Variants in CD58 observed in about 807,000 individuals in gnomAD.
CD58 encodes the protein lymphocyte function-associated antigen 3.
A neutral mutation model predicts 27.6 loss-of-function variants in CD58; 14 were observed. That is an observed-to-expected ratio of 0.51 (90% confidence interval 0.34 to 0.79). The LOEUF is 0.79. CD58 is among the 30% of genes least tolerant of loss of function. The pLI, the probability that CD58 is intolerant of heterozygous loss-of-function variation, is 0.02. For missense variants in CD58, 268 were observed against 301.7 expected, an observed-to-expected ratio of 0.89 and a Z score of 0.83; for synonymous variants, 117 against 103.8, an observed-to-expected ratio of 1.13 and a Z score of -0.77.
At chr1:116,518,688 C>T in intron 5 of CD58, 1 of 986,978 alleles carries the variant, frequency 1.0e-6, no homozygotes, top group Non-Finnish European at 1.2e-6. Flanking sequence ...GAGGGGGCCT[C>T]TTGGAGCACC....
At chr1:116,561,720 A>C (rs925319101) in intron 1 of CD58, among the ~76,000 whole-genome samples, 1 of 152,258 alleles carries the variant, frequency 6.6e-6, no homozygotes, top group Non-Finnish European at 1.5e-5. Context: ...GAGCATATAA[A>C]GGAATAGGTT....
At chr1:116,548,205 C>T (rs993962332) in intron 1 of CD58, among the ~76,000 whole-genome samples, 1 of 152,128 alleles carries the variant, frequency 6.6e-6, no homozygotes, top group South Asian at 2.1e-4. Context: ...GATATTGGTC[C>T]TTTGTCAGAT....
chr1:116,542,788 T>A (rs1425273102), intron 2 of CD58, among the ~76,000 whole-genome samples: 1 of 152,162 alleles, frequency 6.6e-6, no homozygotes, highest in African/African-American at 2.4e-5. Context: ...TCCATTCATA[T>A]CAGGAGAGAA....
intron 1 of CD58, among the ~76,000 whole-genome samples, chr1:116,548,430 G>T (rs1288465231): frequency 6.6e-6 from 1 of 152,122 alleles, no homozygotes; most frequent in Non-Finnish European, 1.5e-5. Context: ...TATGGCTTCA[G>T]GTCTTAGATT....
chr1:116,537,367 C>G (rs1170224848), intron 2 of CD58, among the ~76,000 whole-genome samples: 2 of 152,142 alleles, frequency 1.3e-5, no homozygotes, highest in Non-Finnish European at 2.9e-5. Flanking sequence ...TTTGTATTAC[C>G]TTTCCAAAAT....
chr1:116,534,205 G>A lies in CD58; in HGVS notation c.628+1760C>T. 1 of 549,116 alleles carries A rather than the reference G, an allele frequency of 1.8e-6. No individual in the cohort carries two copies. Among genetic ancestry groups the A allele is most frequent in the Non-Finnish European group, 3.3e-6 (1 of 304,780 alleles). The allele number at this position is 549,116 out of a possible 1,614,324, so 34.0% of individuals were successfully genotyped here. The stretch of plus-strand genomic sequence containing the variant: ...CCGCCCATCTGGCTCGCACCGCACA[G>A]CTCCCAACAGCTGAGATGCAATGCC... On this transcript the variant is annotated intron_variant, in intron 3 of 5. Coordinates refer to ENST00000369489, the MANE Select transcript of CD58 (RefSeq NM_001779.3). This position sits in a 1 kb window ranked among gnomAD's most constrained non-coding sequence, Gnocchi z 5.3.
At position 116,514,816 on chromosome 1, in the gene CD58, A is replaced by G. The variant is rs759238002; in HGVS notation, c.750T>C (p.Asn250=). The stretch of plus-strand genomic sequence containing the variant: ...TGTCTTCATCTTCTGTTACCAATCA[A>G]TTGGAGCTACAAAAAAAAATCATAT... ...CDRKPDRTNS[N] The change falls in exon 6 of 6, where the codon AAT becomes AAC. Residue 250 remains asparagine (N), a synonymous_variant. Transcript: ENST00000369489. 1.7e-5 allele frequency: 27 copies of G among 1,553,272 alleles called. No homozygotes were observed. The highest frequency in any genetic ancestry group is 2.0e-5 in the Non-Finnish European group (23 of 1,129,610).
In CD58 at chr1:116,559,335, A is replaced by G. The variant is rs1018506861; in HGVS notation, c.70+11568T>C. Among the ~76,000 whole-genome samples the G allele has an allele frequency of 6.6e-6, 1 of 152,178 alleles. No individual in the cohort carries two copies. Among genetic ancestry groups the G allele is most frequent in the Non-Finnish European group, 1.5e-5 (1 of 68,014 alleles). On this transcript the variant is annotated intron_variant, in intron 1 of 5. Transcript: ENST00000369489. This position sits in a 1 kb window ranked among gnomAD's most constrained non-coding sequence, Gnocchi z 4.4. The stretch of plus-strand genomic sequence containing the variant: ...GTCAAAGATTCCGAAGCACCAGGCT[A>G]CAGATGAAGAAATGGACTGAGAGGG...
intron 1 of CD58, among the ~76,000 whole-genome samples, chr1:116,569,368 G>A (rs973007643): frequency 3.9e-5 from 6 of 152,096 alleles, no homozygotes; most frequent in Admixed American, 1.3e-4. Context: ...CTTCCCAGGC[G>A]CATGGTCCTG....
rs764273333 is a variant in CD58, at chr1:116,536,091, G to A, written c.502C>T (p.Arg168Cys). 28 of 1,613,576 alleles carry A rather than the reference G, an allele frequency of 1.7e-5. No individual in the cohort carries two copies. The highest frequency in any genetic ancestry group is 3.3e-5 in the South Asian group (3 of 91,080). ...TTAAAATATATACTGGTTGAGTTAC[G>A]TTTACATTGCTCCATAGGACAATCC... is the stretch of plus-strand genomic sequence containing the variant. ...SWDCPMEQCK[R>C]NSTSIYFKME... The change falls in exon 3 of 6, where the codon CGT becomes TGT. Residue 168 changes from arginine to cysteine, a missense_variant. By Grantham distance (180) the Arg-to-Cys change is radical. Coordinates refer to ENST00000369489, the MANE Select transcript of CD58 (RefSeq NM_001779.3). This position sits in a 1 kb window ranked among gnomAD's most constrained non-coding sequence, Gnocchi z 5.4.
intron 4 of CD58, among the ~76,000 whole-genome samples, chr1:116,520,689 T>C (rs1657238488): frequency 6.6e-6 from 1 of 152,146 alleles, no homozygotes; most frequent in African/African-American, 2.4e-5. Flanking sequence ...TTAACTATTA[T>C]ACTGCTATTT....
intron 1 of CD58, among the ~76,000 whole-genome samples, chr1:116,558,394 T>C (rs772431891): frequency 5.3e-5 from 8 of 152,212 alleles, no homozygotes; most frequent in Non-Finnish European, 8.8e-5. Context: ...TCTCTGCGTT[T>C]GGTCTTCACA....
rs913160588 is a variant in CD58 at position 116,570,100 on chromosome 1, G to A, written c.70+803C>T. Reference sequence around the variant, plus strand: ...CCATGAGAACCCCTCAAGTACAGTTGAACTCGCTGGGAGGTTACTGCTGTA... The same window carrying A: ...CCATGAGAACCCCTCAAGTACAGTTAAACTCGCTGGGAGGTTACTGCTGTA... On this transcript the variant is annotated intron_variant, in intron 1 of 5. Transcript: ENST00000369489. The surrounding 1 kb of genome is among the most constrained non-coding windows in gnomAD (Gnocchi z 6.4). Among the ~76,000 whole-genome samples, 6 of 152,202 alleles carry A rather than the reference G, an allele frequency of 3.9e-5. No homozygotes were observed. The highest frequency in any genetic ancestry group is 8.8e-5 in the Non-Finnish European group (6 of 68,034).
In CD58 at chr1:116,527,251, C is replaced by G. The variant is rs1485623305; in HGVS notation, c.629-5268G>C. On this transcript the variant is annotated intron_variant, in intron 3 of 5. Transcript: ENST00000369489. This position sits in a 1 kb window ranked among gnomAD's most constrained non-coding sequence, Gnocchi z 4.4. ...GTGAGAAGAACATTATTTCCTTATTCTTGGTCTTAGTTGGAAAGCTTCAAG... is the reference window on the plus strand; with the variant it reads ...GTGAGAAGAACATTATTTCCTTATTGTTGGTCTTAGTTGGAAAGCTTCAAG... Among the ~76,000 whole-genome samples, 1 of 152,122 alleles carries G rather than the reference C, an allele frequency of 6.6e-6. No individual in the cohort carries two copies. Among genetic ancestry groups the G allele is most frequent in the Non-Finnish European group, 1.5e-5 (1 of 68,020 alleles).
chr1:116,559,197 G>A lies in CD58; in HGVS notation c.70+11706C>T, dbSNP rs1658674455. The stretch of plus-strand genomic sequence containing the variant: ...CATCTGAGCAGAGTCCAGAAAAGCA[G>A]GGGAGCGAGCCTAAGAACATCTGGG... On this transcript the variant is annotated intron_variant, in intron 1 of 5. Coordinates refer to ENST00000369489, the MANE Select transcript of CD58 (RefSeq NM_001779.3). The surrounding 1 kb of genome is among the most constrained non-coding windows in gnomAD (Gnocchi z 4.4). Among the ~76,000 whole-genome samples, 1 of 152,180 alleles carries A rather than the reference G, an allele frequency of 6.6e-6. No individual in the cohort carries two copies. Among genetic ancestry groups the A allele is most frequent in the Non-Finnish European group, 1.5e-5 (1 of 68,022 alleles).
In CD58 at chr1:116,536,001, ATGT is replaced by A. The variant is rs1234037245; in HGVS notation, c.589_591del (p.Thr197del). 1 of 1,612,152 alleles carries A rather than the reference ATGT, an allele frequency of 6.2e-7. No individual in the cohort carries two copies. The highest frequency in any genetic ancestry group is 1.7e-5 in the Admixed American group (1 of 60,002). ...ATACAGGTTGTCAAAATGATTGATG[ATGT>A]TGTATTAAATAATGGATTGCTAAGA... On this transcript the variant is annotated inframe_deletion, in exon 3 of 6. Coordinates refer to ENST00000369489, the MANE Select transcript of CD58 (RefSeq NM_001779.3). This position sits in a 1 kb window ranked among gnomAD's most constrained non-coding sequence, Gnocchi z 5.4.
chr1:116,564,046 C>T (rs1005744333), intron 1 of CD58, among the ~76,000 whole-genome samples: 2 of 152,220 alleles, frequency 1.3e-5, no homozygotes, highest in African/African-American at 4.8e-5. Flanking sequence ...TCTTTGTGAA[C>T]ATATAAAACT....
chr1:116,544,416 A>G lies in CD58; in HGVS notation c.259T>C (p.Ser87Pro). ...FKNRVYLDTV[S>P]GSLTIYNLTS... The stretch of plus-strand genomic sequence containing the variant: ...AAGTTGTAGATAGTGAGGCTACCTG[A>G]CACAGTGTCTAAATAAACCCTATTT... The change falls in exon 2 of 6, where the codon TCA (serine) becomes CCA (proline). Residue 87 changes from serine (S) to proline (P), a missense_variant. Coordinates refer to ENST00000369489, the MANE Select transcript of CD58 (RefSeq NM_001779.3). 6.2e-7 allele frequency: 1 copy of G among 1,613,610 alleles called. No individual in the cohort carries two copies. The highest frequency in any genetic ancestry group is 1.7e-5 in the Admixed American group (1 of 60,030).
rs1571086549 is a variant in CD58, at chr1:116,557,325, A to G, written c.71-12721T>C. Among the ~76,000 whole-genome samples the G allele has an allele frequency of 1.3e-5, 2 of 152,196 alleles. No individual in the cohort carries two copies. Among genetic ancestry groups the G allele is most frequent in the East Asian group, 3.9e-4 (2 of 5,190 alleles). On this transcript the variant is annotated intron_variant, in intron 1 of 5. Coordinates refer to ENST00000369489, the MANE Select transcript of CD58 (RefSeq NM_001779.3). The surrounding 1 kb of genome is among the most constrained non-coding windows in gnomAD (Gnocchi z 5.2). ...CTGGAGCTTAAAAATAAAATGGCTCAGGAGCCCTCATATACAACCAAAACA... is the reference window on the plus strand; with the variant it reads ...CTGGAGCTTAAAAATAAAATGGCTCGGGAGCCCTCATATACAACCAAAACA...
Sources: allele counts gnomAD v4.1 joint callset (sites outside exome capture counted in the v4.1 genomes callset), GRCh38; gene constraint gnomAD v4.1.1; non-coding constraint Gnocchi (gnomAD v3.1); transcripts MANE v1.5; gene names NCBI Gene and HGNC (gene_info 2026-07-23, HGNC 2026-07-21).